Variants in NSMAF observed in about 807,000 individuals in gnomAD.
NSMAF encodes neutral sphingomyelinase activation associated factor, also known as protein FAN.
A neutral mutation model predicts 134.9 loss-of-function variants in NSMAF; 90 were observed. The observed-to-expected ratio is 0.67, with a 90% CI of 0.56 to 0.79. NSMAF has a LOEUF of 0.79. Ranked by LOEUF, NSMAF falls within the 30% of genes least tolerant of loss-of-function variation. The probability of loss-of-function intolerance (pLI) is 0.00; values close to 1 mark genes in which losing one functional copy is unlikely to be tolerated. For missense variants in NSMAF, 1,010 were observed against 1,119.0 expected (o/e 0.90, Z 1.39); for synonymous variants, 358 against 389.6 (o/e 0.92, Z 0.96).
At chr8:58,644,633 A>G (rs1397797457) in intron 1 of NSMAF, among the ~76,000 whole-genome samples, 1 of 152,284 alleles carries the variant, frequency 6.6e-6, no homozygotes, top group Non-Finnish European at 1.5e-5. Flanking sequence ...CCAAAGGATT[A>G]TAAATCATTC....
At chr8:58,613,704 T>C (rs1045801761) in intron 9 of NSMAF, among the ~76,000 whole-genome samples, 3 of 152,220 alleles carry the variant, frequency 2.0e-5, no homozygotes, top group Non-Finnish European at 4.4e-5. Flanking sequence ...TATAAGTAGA[T>C]ACATAAATAC....
intron 12 of NSMAF, among the ~76,000 whole-genome samples, chr8:58,604,680 T>C (rs1027500267): frequency 1.3e-5 from 2 of 152,052 alleles, no homozygotes; most frequent in African/African-American, 4.8e-5. Flanking sequence ...TCACAAATAG[T>C]TTTGTGGTAC....
intron 23 of NSMAF, among the ~76,000 whole-genome samples, chr8:58,592,063 T>C (rs1008442464): frequency 6.6e-5 from 10 of 152,194 alleles, no homozygotes; most frequent in African/African-American, 2.4e-4. Flanking sequence ...ATGAACACAG[T>C]ATCACTTGAA....
At position 58,623,208 on chromosome 8, in the gene NSMAF, T is replaced by C. The variant is rs1250292245; in HGVS notation, c.557+12A>G. 1.9e-6 allele frequency: 3 copies of C among 1,589,892 alleles called. No homozygotes were observed. Among genetic ancestry groups the C allele is most frequent in the East Asian group, 2.2e-5 (1 of 44,760 alleles). ...CCACTTTTCTAATTAGGAAAGATCA[T>C]TAGAAACTTACCTGTTTTTGTCAAA... On this transcript the variant is annotated intron_variant, in intron 9 of 30. Transcript: ENST00000038176.
At position 58,659,735 on chromosome 8, in the gene NSMAF, G is replaced by A. The variant is rs1807820618; in HGVS notation, c.-104C>T. 3 of 930,994 alleles carry A rather than the reference G, an allele frequency of 3.2e-6. No homozygotes were observed. Among genetic ancestry groups the A allele is most frequent in the Non-Finnish European group, 4.2e-6 (3 of 713,276 alleles). The allele number at this position is 930,994 out of a possible 1,614,324, so 57.7% of individuals were successfully genotyped here. On this transcript the variant is annotated 5_prime_UTR_variant, in exon 1 of 31. Coordinates refer to ENST00000038176, the MANE Select transcript of NSMAF (RefSeq NM_003580.4). Reference sequence around the variant, plus strand: ...GAGGGCGGGATTGGTGGCCGGCTGGGGAGCGCGCGGCTGCCGGCCTGGCTT... The same window carrying A: ...GAGGGCGGGATTGGTGGCCGGCTGGAGAGCGCGCGGCTGCCGGCCTGGCTT...
intron 23 of NSMAF, among the ~76,000 whole-genome samples, chr8:58,591,163 G>A (rs1806012876): frequency 6.6e-6 from 1 of 152,170 alleles, no homozygotes; most frequent in Admixed American, 6.5e-5. Context: ...TAAAAATCCA[G>A]CACAGACATG....
At chr8:58,638,916 C>T (rs2099505698) in intron 2 of NSMAF, among the ~76,000 whole-genome samples, 1 of 152,108 alleles carries the variant, frequency 6.6e-6, no homozygotes, top group Non-Finnish European at 1.5e-5. Flanking sequence ...ACTCGAACAA[C>T]TTGATAGTAT....
At chr8:58,639,593 C>T (rs1807285676) in intron 2 of NSMAF, among the ~76,000 whole-genome samples, 1 of 152,134 alleles carries the variant, frequency 6.6e-6, no homozygotes, top group African/African-American at 2.4e-5. Context: ...TCCAGCAATC[C>T]CACTTCTGGG....
At chr8:58,601,376 C>T in intron 15 of NSMAF, 28 bp from the exon 16 acceptor site, 1 of 1,611,686 alleles carries the variant, frequency 6.2e-7, no homozygotes, top group African/African-American at 1.3e-5. Flanking sequence ...AGAGGTAAGT[C>T]AGGTCACAGA....
intron 23 of NSMAF, 68 bp downstream of exon 23, chr8:58,594,164 G>T: frequency 7.2e-7 from 1 of 1,384,680 alleles, no homozygotes; most frequent in Non-Finnish European, 1.0e-6. Context: ...TTGACCACGA[G>T]CTAAATAATA....
At chr8:58,659,552 C>T (rs1218971842) in intron 1 of NSMAF, 21 bp downstream of exon 1, 3 of 1,525,720 alleles carry the variant, frequency 2.0e-6, no homozygotes, top group Non-Finnish European at 2.6e-6. Flanking sequence ...CGGCTGGGCC[C>T]TTCTTCAGCT....
At chr8:58,613,949 T>TA (rs1410163834) in intron 9 of NSMAF, among the ~76,000 whole-genome samples, 2 of 152,158 alleles carry the variant, frequency 1.3e-5, no homozygotes, top group African/African-American at 2.4e-5. Flanking sequence ...ATTTCGGACT[T>TA]AAAATGTTTG....
intron 1 of NSMAF, among the ~76,000 whole-genome samples, chr8:58,648,463 C>T (rs560227513): frequency 6.6e-6 from 1 of 152,162 alleles, no homozygotes; most frequent in Non-Finnish European, 1.5e-5. Flanking sequence ...TAATTGCATG[C>T]TAGAGAGATG....
chr8:58,658,693 C>T (rs939317068), intron 1 of NSMAF, among the ~76,000 whole-genome samples: 6 of 152,186 alleles, frequency 3.9e-5, no homozygotes, highest in Admixed American at 3.9e-4. Flanking sequence ...ATCTGAGCTG[C>T]AGACCGAGCA....
intron 9 of NSMAF, among the ~76,000 whole-genome samples, chr8:58,616,005 G>A (rs1004466800): frequency 5.9e-5 from 9 of 152,058 alleles, no homozygotes; most frequent in Non-Finnish European, 7.4e-5. Context: ...GGCATTAAAA[G>A]GACATTAGCA....
At chr8:58,611,814 TTAAGTA>T (rs976056813) in intron 9 of NSMAF, among the ~76,000 whole-genome samples, 1 of 152,008 alleles carries the variant, frequency 6.6e-6, no homozygotes, top group Non-Finnish European at 1.5e-5. Flanking sequence ...ACATACTAAC[TTAAGTA>T]TAACTGATTA....
chr8:58,659,473 GC>G, intron 1 of NSMAF, 99 bp downstream of exon 1: 1 of 1,478,038 alleles, frequency 6.8e-7, no homozygotes, highest in Non-Finnish European at 9.0e-7. Context: ...TCCGTGCCCG[GC>G]CCCCACGCCG....
In NSMAF at chr8:58,623,270, T is replaced by TA; in HGVS notation, c.506dup (p.Thr170AsnfsTer10). 2 of 1,608,920 alleles carry TA rather than the reference T, an allele frequency of 1.2e-6. No homozygotes were observed. Among genetic ancestry groups the TA allele is most frequent in the Non-Finnish European group, 1.7e-6 (2 of 1,176,786 alleles). On this transcript the variant is annotated frameshift_variant and splice_region_variant, in exon 9 of 31. Transcript: ENST00000038176. LOFTEE classifies it high-confidence loss of function. ...CTAAACGAGACTGCAAAATAGCTGT[T>TA]ATCTATTAAAACAGAACCAGAAAAA...
chr8:58,586,693 C>A (rs917971772), intron 27 of NSMAF, 85 bp from the exon 28 acceptor site: 74 of 1,091,204 alleles, frequency 6.8e-5, no homozygotes, highest in Non-Finnish European at 9.7e-5. Context: ...AATATGTAGT[C>A]ATCATGATAT....
Sources: allele counts gnomAD v4.1 joint callset (sites outside exome capture counted in the v4.1 genomes callset), GRCh38; gene constraint gnomAD v4.1.1; transcripts MANE v1.5; gene names NCBI Gene and HGNC (gene_info 2026-07-23, HGNC 2026-07-21).